The following PAPPA variants were observed in gnomAD, a reference collection of about 807,000 sequenced individuals.
The protein encoded by PAPPA is pappalysin-1.
PAPPA carries 60 observed loss-of-function variants against 164.0 expected under a neutral mutation model. The ratio of observed to expected loss-of-function variants is 0.37; its 90% CI spans 0.30 to 0.45. PAPPA has a LOEUF of 0.45. PAPPA is among the 20% of genes least tolerant of loss of function. PAPPA has a pLI of 1.00. For missense variants in PAPPA, 1,782 were observed against 2,087.3 expected (o/e 0.85, Z 2.85); for synonymous variants, 875 against 814.1 (o/e 1.07, Z -1.27).
intron 9 of PAPPA, among the ~76,000 whole-genome samples, chr9:116,293,315 A>G (rs1320844307): frequency 1.3e-5 from 2 of 152,256 alleles, no homozygotes; most frequent in Non-Finnish European, 2.9e-5. Flanking sequence ...ACATTTTTAA[A>G]TCTTTAGATG....
chr9:116,271,494 A>G lies in PAPPA; in HGVS notation c.2953+78A>G. 1.0e-6 allele frequency: 1 copy of G among 993,264 alleles called. No individual in the cohort carries two copies. The highest frequency in any genetic ancestry group is 1.3e-5 in the South Asian group (1 of 77,042). The allele number at this position is 993,264 out of a possible 1,614,324, so 61.5% of individuals were successfully genotyped here. On this transcript the variant is annotated intron_variant, in intron 9 of 21. Transcript: ENST00000328252. The surrounding 1 kb of genome is among the most constrained non-coding windows in gnomAD (Gnocchi z 4.2). ...TGGTTGGTCAATGATAATGCCAACA[A>G]TAGTTATGACTAAATGATGATTCAC... is the stretch of plus-strand genomic sequence containing the variant.
intron 20 of PAPPA, among the ~76,000 whole-genome samples, chr9:116,378,732 T>C (rs1846687872): frequency 6.6e-6 from 1 of 152,196 alleles, no homozygotes; most frequent in South Asian, 2.1e-4. Flanking sequence ...GGGGATGGAA[T>C]GTCCAAGTTT....
At chr9:116,158,167 T>C (rs749084229) in intron 1 of PAPPA, among the ~76,000 whole-genome samples, 2 of 152,168 alleles carry the variant, frequency 1.3e-5, no homozygotes, top group Non-Finnish European at 2.9e-5. Context: ...TTTGTTCTAA[T>C]GGTTGGACTG....
chr9:116,396,453 T>G, intron 21 of PAPPA, 56 bp from the exon 22 acceptor site: 1 of 777,850 alleles, frequency 1.3e-6, no homozygotes, highest in Non-Finnish European at 2.4e-6. Flanking sequence ...CTGCACTGCC[T>G]TTCTGATCAT....
chr9:116,187,328 T>A lies in PAPPA; in HGVS notation c.590T>A (p.Val197Glu), dbSNP rs773314711. 11 of 1,614,028 alleles carry A rather than the reference T, an allele frequency of 6.8e-6. No homozygotes were observed. Among genetic ancestry groups the A allele is most frequent in the Non-Finnish European group, 8.5e-6 (10 of 1,180,010 alleles). The change falls in exon 2 of 22, where the codon GTA becomes GAA. Residue 197 changes from valine (V) to glutamate (E), a missense_variant. Val to Glu is a moderately radical substitution (Grantham distance 121, BLOSUM62 -2). Coordinates refer to ENST00000328252, the MANE Select transcript of PAPPA (RefSeq NM_002581.5). This position sits in a 1 kb window ranked among gnomAD's most constrained non-coding sequence, Gnocchi z 4.2. ...CGCAGCTACCTCCCAGGCCAGTGGG[T>A]ATACCTAGCTGCCACCTATGATGGG... ...AHRSYLPGQWVYLAATYDGQF... is the reference protein window; with the variant it reads ...AHRSYLPGQWEYLAATYDGQF...
At chr9:116,221,556 A>G (rs1412036031) in intron 5 of PAPPA, among the ~76,000 whole-genome samples, 1 of 152,082 alleles carries the variant, frequency 6.6e-6, no homozygotes, top group Non-Finnish European at 1.5e-5. Flanking sequence ...ATAAAAAGAG[A>G]ATTGGAGCTG....
At chr9:116,371,383 T>G (rs1312293249) in intron 19 of PAPPA, among the ~76,000 whole-genome samples, 1 of 152,120 alleles carries the variant, frequency 6.6e-6, no homozygotes, top group Admixed American at 6.5e-5. Flanking sequence ...TGCCACTGCA[T>G]TCCAGCCTAG....
chr9:116,169,659 T>C (rs950223474), intron 1 of PAPPA, among the ~76,000 whole-genome samples: 1 of 151,188 alleles, frequency 6.6e-6, no homozygotes, highest in Non-Finnish European at 1.5e-5. Flanking sequence ...AAGAGCTAGG[T>C]GGAATTGTAA....
At chr9:116,213,028 TC>T (rs1844327716) in intron 4 of PAPPA, among the ~76,000 whole-genome samples, 1 of 152,176 alleles carries the variant, frequency 6.6e-6, no homozygotes, top group Non-Finnish European at 1.5e-5. Context: ...TTGTATTTCT[TC>T]TAAAGAGAGC....
intron 2 of PAPPA, among the ~76,000 whole-genome samples, chr9:116,203,263 TA>T (rs1844192266): frequency 6.6e-6 from 1 of 152,228 alleles, no homozygotes; most frequent in African/African-American, 2.4e-5. Context: ...CAACCTGTAT[TA>T]GATATATGAC....
chr9:116,178,922 G>GGA (rs1327610122), intron 1 of PAPPA, among the ~76,000 whole-genome samples: 4 of 152,312 alleles, frequency 2.6e-5, no homozygotes, highest in African/African-American at 7.2e-5. Context: ...GAGGAAGGCT[G>GGA]GAGACACAAG....
rs55813509 is a variant in PAPPA, at chr9:116,335,936, T to G, written c.3611+862T>G. 8.3e-3 allele frequency among the ~76,000 whole-genome samples: 1,271 copies of G among 152,276 alleles called. 19 individuals are homozygous for G. The highest frequency in any genetic ancestry group is 0.029 in the African/African-American group (1,211 of 41,548). ...AAACATAACATATTAAAGAAGAATA[T>G]TTATAACCATCTTTTGATGATGATG... On this transcript the variant is annotated intron_variant, in intron 13 of 21. Transcript: ENST00000328252.
At position 116,396,950 on chromosome 9, in the gene PAPPA, T is replaced by C. The variant is rs1846972897; in HGVS notation, c.*334T>C. The C allele has an allele frequency of 3.1e-6, 1 of 319,772 alleles. No individual in the cohort carries two copies. Among genetic ancestry groups the C allele is most frequent in the East Asian group, 6.4e-5 (1 of 15,510 alleles). The allele number at this position is 319,772 out of a possible 1,614,324, so 19.8% of individuals were successfully genotyped here. On this transcript the variant is annotated 3_prime_UTR_variant, in exon 22 of 22. Coordinates refer to ENST00000328252, the MANE Select transcript of PAPPA (RefSeq NM_002581.5). The stretch of plus-strand genomic sequence containing the variant: ...TATCTAGAGTGTGCCCATCTGTGTT[T>C]AGTACACATGCATGCATACACACCC...
At chr9:116,273,593 G>A (rs10983095) in intron 9 of PAPPA, among the ~76,000 whole-genome samples, 58,340 of 151,998 alleles carry the variant, frequency 0.38, 11,453 homozygotes, top group East Asian at 0.65. Context: ...ACCATTTCTT[G>A]TTAACAAAAA....
intron 10 of PAPPA, among the ~76,000 whole-genome samples, chr9:116,304,428 TGGGG>T (rs1845618496): frequency 6.6e-6 from 1 of 152,216 alleles, no homozygotes; most frequent in Non-Finnish European, 1.5e-5. Context: ...ACAACAGTGC[TGGGG>T]CCAGCAAGAG....
intron 1 of PAPPA, among the ~76,000 whole-genome samples, chr9:116,172,358 T>C (rs1843784317): frequency 6.6e-6 from 1 of 152,218 alleles, no homozygotes; most frequent in Non-Finnish European, 1.5e-5. Flanking sequence ...TTTCCCTCGT[T>C]GCTTCCACCA....
At chr9:116,392,181 C>T (rs1192709318) in intron 21 of PAPPA, among the ~76,000 whole-genome samples, 1 of 152,212 alleles carries the variant, frequency 6.6e-6, no homozygotes, top group Non-Finnish European at 1.5e-5. Flanking sequence ...GTGCCAGGCA[C>T]ATAATAAGGA....
At chr9:116,351,334 A>G (rs1422500403) in intron 15 of PAPPA, among the ~76,000 whole-genome samples, 1 of 152,258 alleles carries the variant, frequency 6.6e-6, no homozygotes, top group Non-Finnish European at 1.5e-5. Flanking sequence ...TGAAGATGAA[A>G]AGAAGAAGGA....
At chr9:116,381,185 T>G (rs531417623) in intron 20 of PAPPA, among the ~76,000 whole-genome samples, 1 of 152,252 alleles carries the variant, frequency 6.6e-6, no homozygotes, top group African/African-American at 2.4e-5. Flanking sequence ...CTAGAGGAGA[T>G]AAGGTCACTT....
Sources: allele counts gnomAD v4.1 joint callset (sites outside exome capture counted in the v4.1 genomes callset), GRCh38; gene constraint gnomAD v4.1.1; non-coding constraint Gnocchi (gnomAD v3.1); transcripts MANE v1.5; gene names NCBI Gene and HGNC (gene_info 2026-07-23, HGNC 2026-07-21).